SHTN1: variants seen among roughly 807,000 people sequenced by gnomAD.
The protein encoded by SHTN1 is shootin-1.
SHTN1 carries 42 observed loss-of-function variants against 83.1 expected under a neutral mutation model. The ratio of observed to expected loss-of-function variants is 0.51; its 90% CI spans 0.39 to 0.65. The LOEUF (loss-of-function observed/expected upper bound fraction) is 0.65. SHTN1 is among the 30% of genes least tolerant of loss of function. The pLI is 0.00. For synonymous variants in SHTN1, 224 were observed against 247.7 expected (o/e 0.90, Z 0.90); for missense variants, 622 against 737.8 (o/e 0.84, Z 1.82).
At chr10:116,962,876 T>C (rs879847851) in intron 3 of SHTN1, among the ~76,000 whole-genome samples, 2 of 152,058 alleles carry the variant, frequency 1.3e-5, no homozygotes, top group African/African-American at 2.4e-5. Context: ...ACAACCTACT[T>C]ACCAATGTTC....
At chr10:117,074,599 G>T (rs2092247310) in intron 1 of SHTN1, among the ~76,000 whole-genome samples, 1 of 152,136 alleles carries the variant, frequency 6.6e-6, no homozygotes, top group South Asian at 2.1e-4. Flanking sequence ...GTACAATTTT[G>T]ATATATGTAA....
upstream of SHTN1, among the ~76,000 whole-genome samples, chr10:117,007,572 A>AC (rs1353993771): frequency 8.4e-4 from 123 of 145,836 alleles, 1 homozygote; most frequent in African/African-American, 2.9e-3. Flanking sequence ...AAAAAAAAAA[A>AC]AAAAAAAACT....
intron 1 of SHTN1, among the ~76,000 whole-genome samples, chr10:117,102,209 G>A (rs918679464): frequency 2.0e-5 from 3 of 152,134 alleles, no homozygotes; most frequent in Admixed American, 1.3e-4. Flanking sequence ...GTGTGACAGA[G>A]GAACTCACGA....
upstream of SHTN1, among the ~76,000 whole-genome samples, chr10:117,005,862 T>A (rs1344363938): frequency 6.6e-6 from 1 of 152,242 alleles, no homozygotes. Context: ...GCAGATCATC[T>A]GGTTGGTGGC....
At chr10:116,970,590 T>C (rs1850580225) in intron 2 of SHTN1, among the ~76,000 whole-genome samples, 1 of 152,036 alleles carries the variant, frequency 6.6e-6, no homozygotes, top group Non-Finnish European at 1.5e-5. Flanking sequence ...GGCACACGCC[T>C]GTACTCCCAG....
exon 2 of SHTN1, chr10:117,048,460 A>G (rs1467308686): frequency 1.0e-6 from 1 of 985,202 alleles, no homozygotes; most frequent in Non-Finnish European, 1.2e-6. Context: ...TCTCTGAGGC[A>G]GACTTCATCA....
At chr10:117,011,776 A>G (rs949288186) in intron 2 of SHTN1, among the ~76,000 whole-genome samples, 13 of 152,214 alleles carry the variant, frequency 8.5e-5, no homozygotes, top group Non-Finnish European at 1.8e-4. Context: ...TAGATGCCAA[A>G]AAGTATAAAA....
At chr10:116,964,624 G>A (rs1358203617) in intron 3 of SHTN1, among the ~76,000 whole-genome samples, 2 of 152,176 alleles carry the variant, frequency 1.3e-5, no homozygotes, top group African/African-American at 4.8e-5. Context: ...ATGAAAGTTG[G>A]CATATATGTA....
rs1564901191 is a variant in SHTN1 at position 116,963,034 on chromosome 10, A to AGTTTTTTTTTTT, written c.173-2816_173-2805dup. On this transcript the variant is annotated intron_variant, in intron 3 of 16. Coordinates refer to ENST00000355371, the MANE Select transcript of SHTN1 (RefSeq NM_001127211.3). ...TTATTTGCACATTTTGAATAATAAA[A>AGTTTTTTTTTTT]GTTTTTTTTTTTTTTTTTTTTTTTT... 7.1e-5 allele frequency among the ~76,000 whole-genome samples: 7 copies of AGTTTTTTTTTTT among 97,986 alleles called. 1 individual carries two copies. The highest frequency in any genetic ancestry group is 5.9e-4 in the East Asian group (2 of 3,392). 64.3% of individuals were successfully genotyped at this position (97,986 alleles called of 152,430 possible).
chr10:117,036,616 T>A lies in SHTN1; in HGVS notation c.-123+11829A>T, dbSNP rs1852500749. ...GAACTCATGGAGATAATAGAATAGT[T>A]GCTAGAGGCTGGGAAGAGTAGTGGA... On this transcript the variant is annotated intron_variant, in intron 2 of 17. Transcript: ENST00000392901. 1.3e-5 allele frequency among the ~76,000 whole-genome samples: 2 copies of A among 152,180 alleles called. 1 individual carries two copies. Among genetic ancestry groups the A allele is most frequent in the South Asian group, 4.1e-4 (2 of 4,824 alleles).
intron 1 of SHTN1, among the ~76,000 whole-genome samples, chr10:117,070,289 A>G (rs1187301017): frequency 6.6e-6 from 1 of 152,086 alleles, no homozygotes; most frequent in Non-Finnish European, 1.5e-5. Flanking sequence ...GTTCTTGTTT[A>G]AATCATAGTT....
chr10:116,983,430 G>A (rs936309694), intron 1 of SHTN1, among the ~76,000 whole-genome samples: 18 of 152,122 alleles, frequency 1.2e-4, no homozygotes, highest in African/African-American at 4.1e-4. Flanking sequence ...ATAAAGGGAG[G>A]AGAAAAGGGG....
chr10:116,949,116 A>T (rs1344311545), intron 6 of SHTN1, 119 bp from the exon 7 acceptor site: 3 of 1,139,460 alleles, frequency 2.6e-6, no homozygotes, highest in Non-Finnish European at 2.3e-6. Context: ...TTAAAGCAGA[A>T]ATTGGTTTCA....
At chr10:116,942,365 A>G (rs1329356861) in intron 8 of SHTN1, among the ~76,000 whole-genome samples, 1 of 151,994 alleles carries the variant, frequency 6.6e-6, no homozygotes, top group East Asian at 1.9e-4. Flanking sequence ...GGTGCCTGCC[A>G]CCATGCCTGG....
chr10:116,914,004 A>G (rs979943617), intron 13 of SHTN1, among the ~76,000 whole-genome samples: 11 of 152,240 alleles, frequency 7.2e-5, no homozygotes, highest in Non-Finnish European at 1.3e-4. Flanking sequence ...TAATTGGCAC[A>G]AGACTGAACT....
intron 2 of SHTN1, among the ~76,000 whole-genome samples, chr10:117,036,372 T>G (rs1852497327): frequency 6.6e-6 from 1 of 152,208 alleles, no homozygotes; most frequent in African/African-American, 2.4e-5. Flanking sequence ...TAGCCAAGAT[T>G]TGGAAGCAAT....
At chr10:116,919,870 G>A (rs1848493413) in intron 12 of SHTN1, among the ~76,000 whole-genome samples, 1 of 952 alleles carries the variant, frequency 1.1e-3, no homozygotes, top group African/African-American at 1.2e-3. Context: ...CAATTCTTAC[G>A]AGAGAAAATC....
intron 1 of SHTN1, among the ~76,000 whole-genome samples, chr10:117,085,529 T>TTA (rs1444347645): frequency 6.6e-6 from 1 of 152,230 alleles, no homozygotes; most frequent in African/African-American, 2.4e-5. Flanking sequence ...AAGGTACGTT[T>TTA]TATAGCTCAG....
chr10:117,074,872 G>C (rs1221864593), intron 1 of SHTN1, among the ~76,000 whole-genome samples: 1 of 152,118 alleles, frequency 6.6e-6, no homozygotes, highest in African/African-American at 2.4e-5. Context: ...CTCTACGGCT[G>C]AGAGTCATCC....
Sources: allele counts gnomAD v4.1 joint callset (sites outside exome capture counted in the v4.1 genomes callset), GRCh38; gene constraint gnomAD v4.1.1; transcripts MANE v1.5; gene names NCBI Gene and HGNC (gene_info 2026-07-23, HGNC 2026-07-21).